ROBO2: variants seen among roughly 807,000 people sequenced by gnomAD.
ROBO2 encodes roundabout homolog 2.
A neutral mutation model predicts 160.8 loss-of-function variants in ROBO2; 53 were observed. The observed-to-expected ratio is 0.33, with a 90% CI of 0.26 to 0.41. ROBO2 has a LOEUF of 0.41. Among genes scored for constraint, ROBO2 ranks in the 10% least tolerant of loss-of-function variants. ROBO2 has a pLI of 1.00. For synonymous variants in ROBO2, 664 were observed against 611.7 expected (o/e 1.09, Z -1.26); for missense variants, 1,577 against 1,722.4 (o/e 0.92, Z 1.49).
intron 2 of ROBO2, among the ~76,000 whole-genome samples, chr3:77,245,278 G>T (rs1316564283): frequency 6.6e-6 from 1 of 152,156 alleles, no homozygotes; most frequent in South Asian, 2.1e-4. Context: ...TTCATGGGGG[G>T]TGGCTCAAAT....
At chr3:77,501,695 A>G (rs966623836) in intron 5 of ROBO2, among the ~76,000 whole-genome samples, 4 of 151,878 alleles carry the variant, frequency 2.6e-5, no homozygotes, top group African/African-American at 9.7e-5. Flanking sequence ...TCACGGCAAT[A>G]TTTTTTTTCA....
At chr3:76,257,990 A>T (rs1234254357) in intron 2 of ROBO2, among the ~76,000 whole-genome samples, 1 of 152,090 alleles carries the variant, frequency 6.6e-6, no homozygotes, top group Non-Finnish European at 1.5e-5. Flanking sequence ...TCTCTTGAAA[A>T]TTTTTTGGAA....
chr3:76,551,634 A>T (rs1422318700), intron 2 of ROBO2, among the ~76,000 whole-genome samples: 1 of 152,042 alleles, frequency 6.6e-6, no homozygotes, highest in African/African-American at 2.4e-5. Flanking sequence ...CAGCGCTGTG[A>T]CACCCTCCTG....
At chr3:77,602,376 C>T in exon 20 of ROBO2, 1 of 1,614,126 alleles carries the variant, frequency 6.2e-7, no homozygotes, top group Non-Finnish European at 8.5e-7. Flanking sequence ...ATTCCAACAG[C>T]ATACATGAAT....
At chr3:76,005,263 A>C (rs952759530) in intron 2 of ROBO2, among the ~76,000 whole-genome samples, 1 of 152,224 alleles carries the variant, frequency 6.6e-6, no homozygotes, top group East Asian at 1.9e-4. Context: ...CAATAAAAGG[A>C]TCTTTGAATG....
intron 2 of ROBO2, among the ~76,000 whole-genome samples, chr3:77,333,549 T>C (rs2066190070): frequency 6.6e-6 from 1 of 152,198 alleles, no homozygotes; most frequent in East Asian, 1.9e-4. Flanking sequence ...ATGTTTGCTA[T>C]TATAATAAAC....
intron 2 of ROBO2, among the ~76,000 whole-genome samples, chr3:76,029,515 C>G (rs578178336): frequency 1.8e-4 from 28 of 152,054 alleles, no homozygotes; most frequent in African/African-American, 6.0e-4. Flanking sequence ...TCCCTCCCCC[C>G]ATTCCCCAAC....
intron 2 of ROBO2, among the ~76,000 whole-genome samples, chr3:77,154,807 C>A (rs2077851672): frequency 6.6e-6 from 1 of 151,774 alleles, no homozygotes; most frequent in African/African-American, 2.4e-5. Flanking sequence ...TAAGTGAGAG[C>A]TAAACACTGG....
chr3:77,378,844 A>G (rs1319124806), intron 2 of ROBO2, among the ~76,000 whole-genome samples: 2 of 152,066 alleles, frequency 1.3e-5, no homozygotes, highest in African/African-American at 2.4e-5. Flanking sequence ...GATCCATTCA[A>G]TTCGTGTTTC....
intron 2 of ROBO2, among the ~76,000 whole-genome samples, chr3:76,813,647 A>G (rs2065395929): frequency 6.6e-6 from 1 of 152,136 alleles, no homozygotes; most frequent in Non-Finnish European, 1.5e-5. Flanking sequence ...TCCTTACTCT[A>G]TGTTAAAATA....
intron 2 of ROBO2, among the ~76,000 whole-genome samples, chr3:77,134,534 A>G (rs1393443623): frequency 6.6e-6 from 1 of 152,212 alleles, no homozygotes; most frequent in East Asian, 1.9e-4. Flanking sequence ...TTTTTTCAAG[A>G]AGTTTCCAGT....
At chr3:77,349,887 C>T (rs2068111161) in intron 2 of ROBO2, among the ~76,000 whole-genome samples, 1 of 152,014 alleles carries the variant, frequency 6.6e-6, no homozygotes, top group South Asian at 2.1e-4. Context: ...CTCTGCCTGT[C>T]TATAGAAGAA....
At chr3:77,203,687 G>A (rs1210586976) in intron 2 of ROBO2, among the ~76,000 whole-genome samples, 1 of 152,138 alleles carries the variant, frequency 6.6e-6, no homozygotes, top group East Asian at 1.9e-4. Flanking sequence ...GAGGCTTCGA[G>A]GCTTCTCTTT....
chr3:77,493,948 C>A (rs2086460958), intron 5 of ROBO2, among the ~76,000 whole-genome samples: 1 of 152,102 alleles, frequency 6.6e-6, no homozygotes, highest in Non-Finnish European at 1.5e-5. Context: ...TCATGGAGAC[C>A]TTCTCTTCCA....
intron 2 of ROBO2, among the ~76,000 whole-genome samples, chr3:76,691,358 A>G (rs148814423): frequency 6.6e-6 from 1 of 152,220 alleles, no homozygotes; most frequent in African/African-American, 2.4e-5. Context: ...CACTGTTTAT[A>G]ATTTACCCAG....
chr3:77,108,313 T>C (rs901853424), intron 2 of ROBO2, among the ~76,000 whole-genome samples: 1 of 150,366 alleles, frequency 6.7e-6, no homozygotes, highest in East Asian at 2.0e-4. Flanking sequence ...TATATATATG[T>C]ATACACATAT....
intron 2 of ROBO2, among the ~76,000 whole-genome samples, chr3:76,878,143 G>C (rs1019620944): frequency 6.6e-6 from 1 of 152,004 alleles, no homozygotes; most frequent in African/African-American, 2.4e-5. Context: ...ATGATGCATT[G>C]AGCACATTTA....
chr3:77,109,766 G>A (rs188843849), intron 2 of ROBO2, among the ~76,000 whole-genome samples: 138 of 152,324 alleles, frequency 9.1e-4, no homozygotes, highest in African/African-American at 3.0e-3. Context: ...GGATTTGAAC[G>A]CTGGCAGCCT....
intron 2 of ROBO2, among the ~76,000 whole-genome samples, chr3:76,723,698 C>A (rs1411680649): frequency 6.6e-6 from 1 of 152,224 alleles, no homozygotes; most frequent in African/African-American, 2.4e-5. Flanking sequence ...TCATTAAAGA[C>A]TTTGGTGACT....
Sources: allele counts gnomAD v4.1 joint callset (sites outside exome capture counted in the v4.1 genomes callset), GRCh38; gene constraint gnomAD v4.1.1; transcripts MANE v1.5; gene names NCBI Gene and HGNC (gene_info 2026-07-23, HGNC 2026-07-21).